CIMAP2: variants seen among roughly 807,000 people sequenced by gnomAD.
CIMAP2 encodes ciliary microtubule associated protein 2.
the CIMAP2 span, among the ~76,000 whole-genome samples, chr1:54,814,609 C>A: frequency 6.6e-6 from 1 of 152,348 alleles, no homozygotes; most frequent in South Asian, 2.1e-4. Context: ...TCATCTGGCT[C>A]CAAGTCTGGT....
the CIMAP2 span, among the ~76,000 whole-genome samples, chr1:54,812,416 A>G: frequency 6.6e-6 from 1 of 152,226 alleles, no homozygotes. Flanking sequence ...ATTTGAACCC[A>G]AGGACGTCTG....
the CIMAP2 span, among the ~76,000 whole-genome samples, chr1:54,829,077 A>G: frequency 8.5e-5 from 13 of 152,388 alleles, no homozygotes; most frequent in African/African-American, 3.1e-4. Flanking sequence ...CCATGATTAC[A>G]TGCGGAGGGC....
chr1:54,822,430 A>C, the CIMAP2 span, among the ~76,000 whole-genome samples: 48,578 of 136,114 alleles, frequency 0.36, 9,966 homozygotes, highest in South Asian at 0.48. Flanking sequence ...TCTAATCTTT[A>C]TTTCTTTCCT....
At chr1:54,816,912 CA>C in the CIMAP2 span, 1 of 1,562,490 alleles carries the variant, frequency 6.4e-7, no homozygotes, top group African/African-American at 1.4e-5. Context: ...GGGAAGCGTC[CA>C]AGGGGAGGAG....
chr1:54,822,178 G>A, the CIMAP2 span, among the ~76,000 whole-genome samples: 9 of 98,338 alleles, frequency 9.2e-5, no homozygotes, highest in Admixed American at 3.2e-4. Flanking sequence ...GATTACAGGC[G>A]TGAGCCACCG....
the CIMAP2 span, among the ~76,000 whole-genome samples, chr1:54,834,165 C>A: frequency 2.2e-3 from 332 of 152,282 alleles, no homozygotes; most frequent in African/African-American, 6.3e-3. Context: ...ACATCTTCCC[C>A]ACAGTTTTTG....
chr1:54,816,038 G>A, the CIMAP2 span, among the ~76,000 whole-genome samples: 2 of 152,206 alleles, frequency 1.3e-5, no homozygotes, highest in Non-Finnish European at 2.9e-5. Flanking sequence ...CCCTGCAGGG[G>A]AGAAAGTCTT....
At chr1:54,839,354 A>T in the CIMAP2 span, among the ~76,000 whole-genome samples, 5 of 149,840 alleles carry the variant, frequency 3.3e-5, no homozygotes, top group African/African-American at 9.9e-5. Context: ...AAGCCACAGA[A>T]TTTTTTTAAA....
At chr1:54,819,798 TTTC>T in the CIMAP2 span, among the ~76,000 whole-genome samples, 5 of 129,714 alleles carry the variant, frequency 3.9e-5, no homozygotes, top group Non-Finnish European at 6.9e-5. Context: ...TTTCTTCTCT[TTTC>T]TTCTTTTTCT....
chr1:54,838,553 T>C, the CIMAP2 span, among the ~76,000 whole-genome samples: 1 of 152,056 alleles, frequency 6.6e-6, no homozygotes, highest in Non-Finnish European at 1.5e-5. Context: ...GCTTTTATTA[T>C]ATAGGTGAGG....
the CIMAP2 span, among the ~76,000 whole-genome samples, chr1:54,826,217 A>G: frequency 1.3e-5 from 2 of 152,082 alleles, no homozygotes; most frequent in East Asian, 1.9e-4. Context: ...TGGAAGAGGT[A>G]GTGTTGCTGT....
the CIMAP2 span, among the ~76,000 whole-genome samples, chr1:54,837,731 G>C: frequency 3.9e-5 from 6 of 152,126 alleles, no homozygotes; most frequent in African/African-American, 1.5e-4. Context: ...CCCCAATTTA[G>C]CTGATTCAAT....
At chr1:54,811,939 C>T in the CIMAP2 span, 3 of 1,614,038 alleles carry the variant, frequency 1.9e-6, no homozygotes, top group African/African-American at 2.7e-5. Context: ...CAGGTACCCC[C>T]TCGGCTGGCC....
chr1:54,812,290 A>G, the CIMAP2 span: 7 of 1,500,212 alleles, frequency 4.7e-6, no homozygotes, highest in African/African-American at 5.5e-5. Context: ...CAGGCTCTGC[A>G]CCGGGCCTTT....
chr1:54,811,765 G>GCCGGGGGGGGGGCGCCCCCCCCCCC, the CIMAP2 span: 7 of 1,301,324 alleles, frequency 5.4e-6, no homozygotes, highest in South Asian at 2.4e-5. Context: ...GGTTCTGACA[G>GCCGGGGGGGGGGCGCCCCCCCCCCC]CCTCCATGCC....
chr1:54,841,634 G>A, the CIMAP2 span: 2,840 of 1,614,120 alleles, frequency 1.8e-3, 4 homozygotes, highest in Non-Finnish European at 2.0e-3. Context: ...TGTTTTGTTG[G>A]AAAGGCCTAG....
At chr1:54,827,300 C>T in the CIMAP2 span, among the ~76,000 whole-genome samples, 1 of 152,190 alleles carries the variant, frequency 6.6e-6, no homozygotes, top group African/African-American at 2.4e-5. Flanking sequence ...AGGGCAAGTA[C>T]CATGCCCAGA....
At chr1:54,836,074 G>C in the CIMAP2 span, among the ~76,000 whole-genome samples, 1 of 151,986 alleles carries the variant, frequency 6.6e-6, no homozygotes, top group Non-Finnish European at 1.5e-5. Flanking sequence ...TCAGCATGTG[G>C]AGTCCTCTCC....
At chr1:54,827,523 G>C in the CIMAP2 span, among the ~76,000 whole-genome samples, 1 of 152,188 alleles carries the variant, frequency 6.6e-6, no homozygotes, top group Non-Finnish European at 1.5e-5. Context: ...AGGCTGGTGA[G>C]AATTATAGGA....
Sources: allele counts gnomAD v4.1 joint callset (sites outside exome capture counted in the v4.1 genomes callset), GRCh38; gene constraint gnomAD v4.1.1; transcripts MANE v1.5; gene names NCBI Gene and HGNC (gene_info 2026-07-23, HGNC 2026-07-21).